Variants in MIR2052HG observed in about 807,000 individuals in gnomAD.
MIR2052HG encodes MIR2052 host gene.
intron 4 of MIR2052HG, among the ~76,000 whole-genome samples, chr8:74,747,817 C>A (rs980696600): frequency 1.3e-5 from 2 of 152,136 alleles, no homozygotes; most frequent in Non-Finnish European, 2.9e-5. Context: ...AGTTCTATGT[C>A]CTTTTCAATC....
At chr8:74,740,514 A>G (rs1159448321) in intron 4 of MIR2052HG, among the ~76,000 whole-genome samples, 1 of 152,192 alleles carries the variant, frequency 6.6e-6, no homozygotes, top group African/African-American at 2.4e-5. Context: ...GTTAGGCATC[A>G]TGGGTACTAA....
At chr8:74,739,997 T>C (rs1281820688) in intron 4 of MIR2052HG, among the ~76,000 whole-genome samples, 4 of 152,316 alleles carry the variant, frequency 2.6e-5, no homozygotes, top group Admixed American at 6.5e-5. Flanking sequence ...CCATGTATTA[T>C]TTATATAACT....
At chr8:74,705,207 C>T (rs183232804) in intron 4 of MIR2052HG, among the ~76,000 whole-genome samples, 47 of 152,062 alleles carry the variant, frequency 3.1e-4, no homozygotes, top group African/African-American at 1.1e-3. Context: ...TAGGGACATG[C>T]CAAAAGTTTC....
At chr8:74,622,755 C>A (rs372077084) in intron 2 of MIR2052HG, among the ~76,000 whole-genome samples, 5 of 151,062 alleles carry the variant, frequency 3.3e-5, no homozygotes, top group Admixed American at 6.6e-5. Context: ...GGTGAGCATG[C>A]GGGGAAAAAA....
At chr8:74,603,856 T>G in intron 1 of MIR2052HG, 1 of 915,754 alleles carries the variant, frequency 1.1e-6, no homozygotes, top group South Asian at 1.3e-5. Context: ...CATCTAGACC[T>G]GAGCCCCTGT....
chr8:74,646,325 G>A (rs1808689580), intron 2 of MIR2052HG, among the ~76,000 whole-genome samples: 1 of 152,146 alleles, frequency 6.6e-6, no homozygotes, highest in African/African-American at 2.4e-5. Flanking sequence ...AGAAATGATG[G>A]CCACCTAAAT....
At chr8:74,692,453 G>A (rs1487690330) in intron 2 of MIR2052HG, among the ~76,000 whole-genome samples, 1 of 152,194 alleles carries the variant, frequency 6.6e-6, no homozygotes, top group Admixed American at 6.5e-5. Context: ...GAATGTCACT[G>A]GTGAGGAACA....
chr8:74,671,648 A>C (rs1022563159), intron 2 of MIR2052HG, among the ~76,000 whole-genome samples: 6 of 152,160 alleles, frequency 3.9e-5, no homozygotes, highest in African/African-American at 1.4e-4. Context: ...ATTTACTGGT[A>C]ACAATGTGTG....
chr8:74,608,247 C>T (rs1230422389), intron 1 of MIR2052HG, among the ~76,000 whole-genome samples: 1 of 151,126 alleles, frequency 6.6e-6, no homozygotes, highest in Non-Finnish European at 1.5e-5. Context: ...TAGGGAGTGT[C>T]TGGGGAAGAA....
chr8:74,602,877 T>TTTCTTTCTTTCTTTCTTTCTTTCTTTC lies in MIR2052HG; in HGVS notation n.128+2973_128+2974insTTCTTTCTTTCTTTCTTTCTTTCTTCT, dbSNP rs1808041801. On this transcript the variant is annotated intron_variant and non_coding_transcript_variant, in intron 1 of 6. Coordinates refer to ENST00000523442, the Ensembl canonical transcript of MIR2052HG. ...TCTTTCTTTCTTTCTTTCTTTCTTT[T>TTTCTTTCTTTCTTTCTTTCTTTCTTTC]TTCTATTCACAAAGAAAAAGCTCCA... 7.4e-3 allele frequency among the ~76,000 whole-genome samples: 397 copies of TTTCTTTCTTTCTTTCTTTCTTTCTTTC among 53,796 alleles called. 57 individuals are homozygous for TTTCTTTCTTTCTTTCTTTCTTTCTTTC. The highest frequency in any genetic ancestry group is 9.6e-3 in the Non-Finnish European group (284 of 29,482). 35.3% of individuals were successfully genotyped at this position (53,796 alleles called of 152,430 possible).
At chr8:74,640,639 C>T (rs1808629375) in intron 2 of MIR2052HG, among the ~76,000 whole-genome samples, 1 of 152,130 alleles carries the variant, frequency 6.6e-6, no homozygotes, top group Non-Finnish European at 1.5e-5. Flanking sequence ...TATAAGGACT[C>T]AGGTACAAAT....
intron 4 of MIR2052HG, among the ~76,000 whole-genome samples, chr8:74,751,300 T>C (rs1809944803): frequency 6.6e-6 from 1 of 152,206 alleles, no homozygotes; most frequent in Admixed American, 6.5e-5. Context: ...TTTACTGTTT[T>C]CAATGGCCTC....
chr8:74,745,735 C>T (rs1809878317), intron 4 of MIR2052HG, among the ~76,000 whole-genome samples: 1 of 152,132 alleles, frequency 6.6e-6, no homozygotes, highest in Admixed American at 6.6e-5. Context: ...GGCATTTCCT[C>T]ATATGGGAAA....
At chr8:74,706,866 G>A (rs1283886949) in intron 4 of MIR2052HG, among the ~76,000 whole-genome samples, 2 of 152,072 alleles carry the variant, frequency 1.3e-5, no homozygotes, top group Admixed American at 6.6e-5. Context: ...CTGCTTCTAG[G>A]CAGAAATGAA....
chr8:74,637,635 AT>A (rs1399220276), intron 2 of MIR2052HG, among the ~76,000 whole-genome samples: 1 of 152,184 alleles, frequency 6.6e-6, no homozygotes. Context: ...AAAAACATAC[AT>A]AAGCTTTCTA....
intron 4 of MIR2052HG, among the ~76,000 whole-genome samples, chr8:74,711,412 T>C (rs962592408): frequency 1.3e-5 from 2 of 152,226 alleles, no homozygotes; most frequent in African/African-American, 2.4e-5. Flanking sequence ...ACTGAATGAA[T>C]GAATAGAATT....
At chr8:74,692,786 G>A (rs1265790543) in intron 2 of MIR2052HG, among the ~76,000 whole-genome samples, 1 of 152,222 alleles carries the variant, frequency 6.6e-6, no homozygotes, top group African/African-American at 2.4e-5. Flanking sequence ...AACTGATTTT[G>A]TAAGATGCTT....
intron 5 of MIR2052HG, among the ~76,000 whole-genome samples, chr8:74,753,504 A>G (rs1470661785): frequency 6.6e-6 from 1 of 152,074 alleles, no homozygotes; most frequent in African/African-American, 2.4e-5. Flanking sequence ...ATGACACTAA[A>G]CTGACTGTGT....
chr8:74,660,790 C>A (rs1236358543), intron 2 of MIR2052HG, among the ~76,000 whole-genome samples: 1 of 149,090 alleles, frequency 6.7e-6, no homozygotes, highest in Non-Finnish European at 1.5e-5. Context: ...CTCTCTTTAT[C>A]TTCCTAAGAG....
Sources: allele counts gnomAD v4.1 joint callset (sites outside exome capture counted in the v4.1 genomes callset), GRCh38; gene constraint gnomAD v4.1.1; transcripts MANE v1.5; gene names NCBI Gene and HGNC (gene_info 2026-07-23, HGNC 2026-07-21).